The following ITPK1 variants were observed in gnomAD, a reference collection of about 807,000 sequenced individuals.
ITPK1 encodes inositol-tetrakisphosphate 1-kinase.
Under a neutral mutation model 45.3 loss-of-function variants are expected in ITPK1, and 21 were observed. That is an observed-to-expected ratio of 0.46 (90% confidence interval 0.33 to 0.67). ITPK1 has a LOEUF of 0.67. Among genes scored for constraint, ITPK1 ranks in the 30% least tolerant of loss-of-function variants. The pLI, the probability that ITPK1 is intolerant of heterozygous loss-of-function variation, is 0.02. For missense variants in ITPK1, 474 were observed against 573.5 expected, an observed-to-expected ratio of 0.83 and a Z score of 1.77; for synonymous variants, 258 against 253.6, an observed-to-expected ratio of 1.02 and a Z score of -0.16.
chr14:93,101,749 C>CCT (rs1327182229), intron 2 of ITPK1, among the ~76,000 whole-genome samples: 2 of 152,174 alleles, frequency 1.3e-5, no homozygotes, highest in Non-Finnish European at 2.9e-5. Flanking sequence ...ACTCGGAAGG[C>CCT]TGAGGCAGGA....
At chr14:93,111,832 G>A (rs538445323) in intron 2 of ITPK1, among the ~76,000 whole-genome samples, 5 of 152,166 alleles carry the variant, frequency 3.3e-5, no homozygotes, top group Non-Finnish European at 7.4e-5. Flanking sequence ...TGTCCCCAGA[G>A]AAAGGGGAAG....
At chr14:93,017,587 C>T (rs948498983) in intron 3 of ITPK1, among the ~76,000 whole-genome samples, 4 of 152,220 alleles carry the variant, frequency 2.6e-5, no homozygotes, top group African/African-American at 7.2e-5. Flanking sequence ...CGCTTCCTGA[C>T]CCGCCACATG....
chr14:93,004,394 C>T (rs1157137466), intron 4 of ITPK1, among the ~76,000 whole-genome samples: 2 of 152,230 alleles, frequency 1.3e-5, no homozygotes, highest in South Asian at 2.1e-4. Context: ...AGTTGAGCTC[C>T]CCCATCAGCA....
intron 2 of ITPK1, among the ~76,000 whole-genome samples, chr14:93,093,671 C>T (rs190561302): frequency 1.3e-5 from 2 of 152,308 alleles, no homozygotes; most frequent in Admixed American, 6.5e-5. Context: ...CTGAGGCCAC[C>T]GGCCCCATAC....
intron 5 of ITPK1, among the ~76,000 whole-genome samples, chr14:92,973,811 C>T (rs556654583): frequency 1.6e-4 from 24 of 152,292 alleles, no homozygotes; most frequent in South Asian, 6.2e-4. Context: ...GGGATGCAAG[C>T]GACAGAGAGA....
chr14:93,034,568 G>T lies in ITPK1; in HGVS notation c.121-17767C>A, dbSNP rs1889234079. 6.6e-6 allele frequency among the ~76,000 whole-genome samples: 1 copy of T among 152,178 alleles called. No individual in the cohort carries two copies. On this transcript the variant is annotated intron_variant, in intron 3 of 10. Coordinates refer to ENST00000267615, the MANE Select transcript of ITPK1 (RefSeq NM_014216.6). The surrounding 1 kb of genome is among the most constrained non-coding windows in gnomAD (Gnocchi z 4.1). ...TCTGTCTGCTCTGCTCCCCACTAGA[G>T]GGCAGGCCAGCCTGAGCTGCCTGGG...
intron 3 of ITPK1, among the ~76,000 whole-genome samples, chr14:93,040,052 G>A (rs1889495495): frequency 6.6e-6 from 1 of 152,258 alleles, no homozygotes; most frequent in Non-Finnish European, 1.5e-5. Flanking sequence ...CAGGCTGACG[G>A]GAAGAACGCC....
rs193262466 is a variant in ITPK1 at position 93,040,377 on chromosome 14, G to A, written c.121-23576C>T. On this transcript the variant is annotated intron_variant, in intron 3 of 10. Coordinates refer to ENST00000267615, the MANE Select transcript of ITPK1 (RefSeq NM_014216.6). ...TATAAGGACAGAGCAGGGGTAGGGA[G>A]GGGAGATAGTGGAGGAGAGGCGGTC... Among the ~76,000 whole-genome samples the A allele has an allele frequency of 2.6e-5, 4 of 152,314 alleles. No individual in the cohort carries two copies. The East Asian group carries it at 5.8e-4, about 22-fold the overall frequency.
At chr14:93,098,608 A>G (rs1179930431) in intron 2 of ITPK1, among the ~76,000 whole-genome samples, 1 of 152,126 alleles carries the variant, frequency 6.6e-6, no homozygotes, top group Non-Finnish European at 1.5e-5. Context: ...TCCCAAACTC[A>G]TTTCCCAGAG....
At chr14:93,066,320 A>ATGTGTGTGTGTGTG in intron 3 of ITPK1, 1 of 420,498 alleles carries the variant, frequency 2.4e-6, no homozygotes. Flanking sequence ...GTGTGTGTGT[A>ATGTGTGTGTGTGTG]TGTGTGTGTG....
chr14:93,088,657 C>G (rs1566779464), intron 2 of ITPK1, among the ~76,000 whole-genome samples: 1 of 151,878 alleles, frequency 6.6e-6, no homozygotes, highest in Non-Finnish European at 1.5e-5. Context: ...CACCAGGCCT[C>G]TTTTTTTATT....
intron 2 of ITPK1, among the ~76,000 whole-genome samples, chr14:93,111,751 G>C (rs1595227947): frequency 6.6e-6 from 1 of 151,796 alleles, no homozygotes; most frequent in East Asian, 1.9e-4. Flanking sequence ...GGTGGTGTGG[G>C]AGACCTACAA....
At chr14:93,022,780 C>A (rs1437364080) in intron 3 of ITPK1, among the ~76,000 whole-genome samples, 1 of 152,076 alleles carries the variant, frequency 6.6e-6, no homozygotes, top group Admixed American at 6.5e-5. Context: ...CCTGCCTCAG[C>A]CTCCCAAAGT....
At chr14:93,096,757 T>C (rs1301405418) in intron 2 of ITPK1, among the ~76,000 whole-genome samples, 1 of 152,162 alleles carries the variant, frequency 6.6e-6, no homozygotes, top group African/African-American at 2.4e-5. Flanking sequence ...TGTTCTAGAA[T>C]GTAGGGGCTC....
intron 7 of ITPK1, among the ~76,000 whole-genome samples, chr14:92,959,748 C>T (rs1884957655): frequency 6.6e-6 from 1 of 151,666 alleles, no homozygotes; most frequent in African/African-American, 2.4e-5. Context: ...CAAATGAGTA[C>T]CCTCACACTG....
At chr14:93,050,459 G>A (rs960217936) in intron 3 of ITPK1, among the ~76,000 whole-genome samples, 1 of 152,174 alleles carries the variant, frequency 6.6e-6, no homozygotes. Context: ...GAGCCCCCAA[G>A]TGTCAACTTC....
Position 93,012,174 on chromosome 14 carries a change from G to A in ITPK1, c.246+4502C>T, listed in dbSNP as rs1887945075. 6.6e-6 allele frequency among the ~76,000 whole-genome samples: 1 copy of A among 152,210 alleles called. No individual in the cohort carries two copies. Among genetic ancestry groups the A allele is most frequent in the Non-Finnish European group, 1.5e-5 (1 of 68,034 alleles). On this transcript the variant is annotated intron_variant, in intron 4 of 10. Coordinates refer to ENST00000267615, the MANE Select transcript of ITPK1 (RefSeq NM_014216.6). This position sits in a 1 kb window ranked among gnomAD's most constrained non-coding sequence, Gnocchi z 4.9. ...GCCGCCACCCAAACACTTAGGCACT[G>A]CAGGCGGCAATGGGAACACCAGCTG...
At chr14:92,960,034 C>T (rs1424560706) in intron 7 of ITPK1, among the ~76,000 whole-genome samples, 2 of 152,250 alleles carry the variant, frequency 1.3e-5, no homozygotes, top group Non-Finnish European at 2.9e-5. Flanking sequence ...CCCCCAACCT[C>T]TGCCGATCTG....
At chr14:93,069,996 A>G (rs965680305) in intron 3 of ITPK1, 27 of 152,170 alleles carry the variant, frequency 1.8e-4, no homozygotes, top group African/African-American at 6.5e-4. Context: ...TGGGTTTCAT[A>G]GTGTCTGAAT....
Sources: gnomAD v4.1 joint callset for allele counts (sites outside exome capture counted in the v4.1 genomes callset) on GRCh38, gnomAD v4.1.1 for gene constraint, Gnocchi (gnomAD v3.1) non-coding constraint, MANE v1.5 for transcripts, NCBI Gene and HGNC (gene_info 2026-07-23, HGNC 2026-07-21) for gene names.